Variants in NIM1K observed in about 807,000 individuals in gnomAD.
The protein encoded by NIM1K is serine/threonine-protein kinase NIM1.
A neutral mutation model predicts 37.1 loss-of-function variants in NIM1K; 35 were observed. The ratio of observed to expected loss-of-function variants is 0.94; its 90% CI spans 0.72 to 1.25. The LOEUF (loss-of-function observed/expected upper bound fraction) is 1.25. Among genes scored for constraint, NIM1K ranks in the 50% most tolerant of loss-of-function variants. The probability of loss-of-function intolerance (pLI) is 0.00; values close to 1 mark genes in which losing one functional copy is unlikely to be tolerated. For missense variants in NIM1K, 564 were observed against 548.0 expected (o/e 1.03, Z -0.29); for synonymous variants, 234 against 206.6 (o/e 1.13, Z -1.14).
At chr5:43,214,983 C>T (rs1374120397) in intron 1 of NIM1K, among the ~76,000 whole-genome samples, 1 of 152,144 alleles carries the variant, frequency 6.6e-6, no homozygotes, top group Non-Finnish European at 1.5e-5. Flanking sequence ...CAGAAACCTT[C>T]TCCATGCATA....
intron 1 of NIM1K, among the ~76,000 whole-genome samples, chr5:43,227,979 C>T (rs927377056): frequency 2.6e-5 from 4 of 152,116 alleles, no homozygotes; most frequent in Admixed American, 1.3e-4. Context: ...AAAGACATTT[C>T]GTGGGAAAGC....
intron 2 of NIM1K, among the ~76,000 whole-genome samples, chr5:43,267,869 T>G (rs10070435): frequency 0.99 from 151,335 of 152,328 alleles, 75,182 homozygotes; most frequent in Middle Eastern, 1. Flanking sequence ...GTAGCCAATC[T>G]TATGGCCTAT....
chr5:43,219,009 A>G (rs565464192), intron 1 of NIM1K, among the ~76,000 whole-genome samples: 15 of 152,056 alleles, frequency 9.9e-5, no homozygotes, highest in Non-Finnish European at 2.1e-4. Flanking sequence ...TGTGATAGTG[A>G]GTGAGTTCTC....
At chr5:43,241,833 G>A (rs972128200) in intron 1 of NIM1K, among the ~76,000 whole-genome samples, 3 of 151,728 alleles carry the variant, frequency 2.0e-5, no homozygotes, top group Non-Finnish European at 4.4e-5. Context: ...TTCTTTAATG[G>A]CTTTCGCTGA....
chr5:43,206,818 T>C (rs1752120311), intron 1 of NIM1K: 1 of 767,538 alleles, frequency 1.3e-6, no homozygotes, highest in Non-Finnish European at 2.4e-6. Context: ...ATGGTGGAGT[T>C]GGTGCACACC....
chr5:43,198,179 CTTTCTTTCTTTCTTTCTTTCTT>C (rs1751950642), intron 1 of NIM1K, among the ~76,000 whole-genome samples: 1 of 67,048 alleles, frequency 1.5e-5, no homozygotes, highest in African/African-American at 4.9e-5. Flanking sequence ...TTCTTTCTTT[CTTTCTTTCTTTCTTTCTTTCTT>C]TCTTTCTCTT....
intron 3 of NIM1K, among the ~76,000 whole-genome samples, chr5:43,277,815 TGAGAGAGAGA>T (rs34538655): frequency 1.6e-5 from 2 of 128,948 alleles, no homozygotes; most frequent in African/African-American, 5.8e-5. Context: ...TGTGTGTGTG[TGAGAGAGAGA>T]GAGAGAGAGA....
At chr5:43,275,484 A>T (rs1283499026) in intron 2 of NIM1K, among the ~76,000 whole-genome samples, 1 of 152,208 alleles carries the variant, frequency 6.6e-6, no homozygotes, top group Non-Finnish European at 1.5e-5. Context: ...ACATAATACC[A>T]AAGTGCAATC....
At position 43,258,307 on chromosome 5, in the gene NIM1K, A is replaced by G. The variant is rs544240469; in HGVS notation, c.292+12240A>G. On this transcript the variant is annotated intron_variant, in intron 2 of 3. Coordinates refer to ENST00000326035, the MANE Select transcript of NIM1K (RefSeq NM_153361.4). ...TCATGCTCATTGCCATATATACAGT[A>G]ATTCATTGTATGAATGTAGTACCAC... 1.8e-4 allele frequency among the ~76,000 whole-genome samples: 27 copies of G among 152,352 alleles called. 1 individual carries two copies. In the South Asian group the frequency reaches 5.4e-3, roughly 30 times the overall value.
chr5:43,214,582 G>A (rs1439616649), intron 1 of NIM1K, among the ~76,000 whole-genome samples: 2 of 151,416 alleles, frequency 1.3e-5, no homozygotes, highest in African/African-American at 4.9e-5. Flanking sequence ...TTGGGAGGCC[G>A]AAGCGGGCGG....
chr5:43,201,908 G>A (rs1467578515), intron 1 of NIM1K, among the ~76,000 whole-genome samples: 1 of 150,782 alleles, frequency 6.6e-6, no homozygotes, highest in Non-Finnish European at 1.5e-5. Flanking sequence ...GCAGTGAGCT[G>A]AGATCGTGCC....
intron 1 of NIM1K, among the ~76,000 whole-genome samples, chr5:43,201,200 G>A (rs1752015500): frequency 6.6e-6 from 1 of 151,946 alleles, no homozygotes; most frequent in Non-Finnish European, 1.5e-5. Context: ...ATAAGGTCAT[G>A]AGATCGAGAC....
intron 1 of NIM1K, among the ~76,000 whole-genome samples, chr5:43,224,779 C>A (rs933009109): frequency 6.6e-6 from 1 of 150,908 alleles, no homozygotes; most frequent in Admixed American, 6.6e-5. Flanking sequence ...TCACTGCAAC[C>A]TCTGCCTCCT....
At chr5:43,195,409 A>C (rs1451068702) in intron 1 of NIM1K, among the ~76,000 whole-genome samples, 1 of 152,132 alleles carries the variant, frequency 6.6e-6, no homozygotes, top group Non-Finnish European at 1.5e-5. Flanking sequence ...TGTAATCCCA[A>C]TACTTTGGGA....
At chr5:43,211,648 T>C (rs4588602) in intron 1 of NIM1K, among the ~76,000 whole-genome samples, 148,792 of 152,222 alleles carry the variant, frequency 0.98, 72,809 homozygotes, top group Middle Eastern at 1. Flanking sequence ...TGGAGGGGGG[T>C]AAGTGGGAAC....
chr5:43,233,011 T>G, intron 1 of NIM1K: 1 of 1,204,186 alleles, frequency 8.3e-7, no homozygotes, highest in South Asian at 1.2e-5. Flanking sequence ...GGAGCCCGTC[T>G]CACTGAAGAA....
At chr5:43,201,071 G>A (rs560017163) in intron 1 of NIM1K, among the ~76,000 whole-genome samples, 1 of 150,034 alleles carries the variant, frequency 6.7e-6, no homozygotes, top group East Asian at 2.0e-4. Context: ...GTTGCAGTTA[G>A]CCAAGATGGC....
At chr5:43,224,992 C>T (rs1752434605) in intron 1 of NIM1K, among the ~76,000 whole-genome samples, 2 of 152,054 alleles carry the variant, frequency 1.3e-5, no homozygotes, top group South Asian at 4.1e-4. Context: ...TTGCGCCTGG[C>T]CACAAGTGGA....
In NIM1K at chr5:43,280,040, A is replaced by G; in HGVS notation, c.622A>G (p.Thr208Ala). The change falls in exon 4 of 4, where the codon ACT becomes GCT. Residue 208 changes from threonine to alanine, a missense_variant. Transcript: ENST00000326035. The stretch of plus-strand genomic sequence containing the variant: ...AGAAAATGTATTCTATACCAGTAAT[A>G]CTTGTGTGAAGGTGGGCGATTTTGG... ...KAENVFYTSN[T>A]CVKVGDFGFS... 2 of 1,614,108 alleles carry G rather than the reference A, an allele frequency of 1.2e-6. No homozygotes were observed. Among genetic ancestry groups the G allele is most frequent in the Non-Finnish European group, 1.7e-6 (2 of 1,179,946 alleles).
Sources: allele counts gnomAD v4.1 joint callset (sites outside exome capture counted in the v4.1 genomes callset), GRCh38; gene constraint gnomAD v4.1.1; transcripts MANE v1.5; gene names NCBI Gene and HGNC (gene_info 2026-07-23, HGNC 2026-07-21).